The following GPRIN3 variants were observed in gnomAD, a reference collection of about 807,000 sequenced individuals.
GPRIN3 encodes the protein G protein-regulated inducer of neurite outgrowth 3.
Under a neutral mutation model 13.7 loss-of-function variants are expected in GPRIN3, and 12 were observed. The observed-to-expected ratio is 0.87, with a 90% confidence interval of 0.56 to 1.42. The LOEUF is 1.42. Among genes scored for constraint, GPRIN3 ranks in the 40% most tolerant of loss-of-function variants. GPRIN3 has a pLI of 0.00. For synonymous variants in GPRIN3, 377 were observed against 372.7 expected, an observed-to-expected ratio of 1.01 and a Z score of -0.13; for missense variants, 1,009 against 958.7, an observed-to-expected ratio of 1.05 and a Z score of -0.69.
At chr4:89,298,625 G>A (rs993258336) in intron 1 of GPRIN3, among the ~76,000 whole-genome samples, 1 of 151,742 alleles carries the variant, frequency 6.6e-6, no homozygotes, top group South Asian at 2.1e-4. Flanking sequence ...ATTCAATTTT[G>A]AGTCCCTAGC....
chr4:89,285,200 C>T (rs532112788), intron 1 of GPRIN3, among the ~76,000 whole-genome samples: 2 of 84,002 alleles, frequency 2.4e-5, no homozygotes, highest in Non-Finnish European at 4.9e-5. Context: ...AGGGCGGGGT[C>T]GGTTGGGGGG....
intron 1 of GPRIN3, among the ~76,000 whole-genome samples, chr4:89,297,056 G>C (rs1449743331): frequency 6.6e-6 from 1 of 152,166 alleles, no homozygotes; most frequent in African/African-American, 2.4e-5. Context: ...CATGGCCTTT[G>C]ACATTGAACA....
rs1422349103 is a variant in GPRIN3, at chr4:89,246,163, A to G, written c.*1617T>C. On this transcript the variant is annotated 3_prime_UTR_variant, in exon 2 of 2. Coordinates refer to ENST00000609438, the MANE Select transcript of GPRIN3 (RefSeq NM_198281.3). ...TAAAGTGAAAAAAGCCAGAACAGAT[A>G]CTGTGAATTGACTGTACCCACGGGA... is the stretch of plus-strand genomic sequence containing the variant. The G allele has an allele frequency of 6.6e-6, 1 of 152,240 alleles. No homozygotes were observed. The highest frequency in any genetic ancestry group is 1.5e-5 in the Non-Finnish European group (1 of 68,048). The allele number at this position is 152,240 out of a possible 1,614,324, so 9.4% of individuals were successfully genotyped here.
At chr4:89,268,852 C>T (rs1047823590) in intron 1 of GPRIN3, among the ~76,000 whole-genome samples, 2 of 152,164 alleles carry the variant, frequency 1.3e-5, no homozygotes, top group African/African-American at 2.4e-5. Flanking sequence ...TCTCTAAATT[C>T]GGCACTTTTC....
At chr4:89,295,571 C>G (rs570778541) in intron 1 of GPRIN3, among the ~76,000 whole-genome samples, 1 of 151,888 alleles carries the variant, frequency 6.6e-6, no homozygotes, top group Non-Finnish European at 1.5e-5. Flanking sequence ...AACAAGGGCC[C>G]GTTTGGGTTC....
intron 1 of GPRIN3, among the ~76,000 whole-genome samples, chr4:89,284,614 A>T (rs1334983527): frequency 6.6e-6 from 1 of 152,110 alleles, no homozygotes; most frequent in Non-Finnish European, 1.5e-5. Flanking sequence ...ACTAACAGGA[A>T]CTCACCACCA....
intron 1 of GPRIN3, among the ~76,000 whole-genome samples, chr4:89,304,212 A>G (rs887768443): frequency 1.3e-5 from 2 of 152,192 alleles, no homozygotes; most frequent in Admixed American, 1.3e-4. Flanking sequence ...CAATCAGGCA[A>G]TTATGCTATT....
intron 1 of GPRIN3, among the ~76,000 whole-genome samples, chr4:89,303,795 G>A (rs1288986775): frequency 6.7e-6 from 1 of 149,074 alleles, no homozygotes; most frequent in Non-Finnish European, 1.5e-5. Flanking sequence ...ATGTATATAT[G>A]TGTATATATA....
chr4:89,290,941 C>T (rs1364566293), intron 1 of GPRIN3, among the ~76,000 whole-genome samples: 1 of 152,140 alleles, frequency 6.6e-6, no homozygotes, highest in East Asian at 1.9e-4. Flanking sequence ...TTATTTTAGG[C>T]AACAGAACTG....
chr4:89,285,825 T>C (rs559432707), intron 1 of GPRIN3, among the ~76,000 whole-genome samples: 47 of 152,318 alleles, frequency 3.1e-4, no homozygotes, highest in African/African-American at 6.3e-4. Flanking sequence ...GGAATTACTA[T>C]GGATAAGTAG....
chr4:89,263,372 C>T (rs112584220), intron 1 of GPRIN3, among the ~76,000 whole-genome samples: 239 of 152,284 alleles, frequency 1.6e-3, no homozygotes, highest in African/African-American at 5.6e-3. Flanking sequence ...GAGGGGGTCC[C>T]CGGAGAATCT....
chr4:89,281,205 C>A (rs1456675181), intron 1 of GPRIN3, among the ~76,000 whole-genome samples: 1 of 152,054 alleles, frequency 6.6e-6, no homozygotes, highest in Non-Finnish European at 1.5e-5. Context: ...CTCACTGCAA[C>A]CTCCACTTCC....
chr4:89,258,926 GA>G (rs921397027), intron 1 of GPRIN3, among the ~76,000 whole-genome samples: 7 of 152,182 alleles, frequency 4.6e-5, no homozygotes, highest in African/African-American at 1.4e-4. Context: ...GAGCTCAAAT[GA>G]AATAGGTTAA....
chr4:89,261,503 C>A (rs1036963706), intron 1 of GPRIN3, among the ~76,000 whole-genome samples: 3 of 152,072 alleles, frequency 2.0e-5, no homozygotes, highest in African/African-American at 7.2e-5. Context: ...GCTCTCAAGT[C>A]AAAGAGAGCA....
At chr4:89,295,844 T>G (rs1248522845) in intron 1 of GPRIN3, among the ~76,000 whole-genome samples, 1 of 152,178 alleles carries the variant, frequency 6.6e-6, no homozygotes, top group Non-Finnish European at 1.5e-5. Context: ...TAAACCATTT[T>G]TTTTAACTCA....
intron 1 of GPRIN3, among the ~76,000 whole-genome samples, chr4:89,262,816 C>T (rs1294717312): frequency 1.3e-5 from 2 of 152,188 alleles, no homozygotes; most frequent in East Asian, 3.8e-4. Context: ...GCCCTGCCCA[C>T]CCTCCGCCAT....
In GPRIN3 at chr4:89,239,266, T is replaced by G. The variant is rs1722862101; in HGVS notation, c.*8514A>C. ...ACTTTTGATCTTTCTTAGTTGAGTA[T>G]TTACACACATAAATGATTCTCATAT... On this transcript the variant is annotated 3_prime_UTR_variant, in exon 2 of 2. Transcript: ENST00000609438. 6.6e-6 allele frequency: 1 copy of G among 152,192 alleles called. No homozygotes were observed. Among genetic ancestry groups the G allele is most frequent in the Non-Finnish European group, 1.5e-5 (1 of 68,024 alleles). The allele number at this position is 152,192 out of a possible 1,614,324, so 9.4% of individuals were successfully genotyped here.
At chr4:89,279,153 C>A (rs573925428) in intron 1 of GPRIN3, among the ~76,000 whole-genome samples, 3 of 152,184 alleles carry the variant, frequency 2.0e-5, no homozygotes, top group Non-Finnish European at 4.4e-5. Flanking sequence ...GGAGGTTGGA[C>A]AGCAAAACAC....
chr4:89,270,565 TTATA>T (rs1199230242), intron 1 of GPRIN3, among the ~76,000 whole-genome samples: 2,431 of 82,234 alleles, frequency 0.03, 42 homozygotes, highest in Non-Finnish European at 0.036. Flanking sequence ...TGTATATAAT[TTATA>T]TATATATATA....
Sources: gnomAD v4.1 joint callset for allele counts (sites outside exome capture counted in the v4.1 genomes callset) on GRCh38, gnomAD v4.1.1 for gene constraint, MANE v1.5 for transcripts, NCBI Gene and HGNC (gene_info 2026-07-23, HGNC 2026-07-21) for gene names.